Variants in ERC2 observed in about 807,000 individuals in gnomAD.
ERC2 encodes the protein ELKS/RAB6-interacting/CAST family member 2.
Under a neutral mutation model 114.8 loss-of-function variants are expected in ERC2, and 42 were observed. The ratio of observed to expected loss-of-function variants is 0.37; its 90% confidence interval spans 0.29 to 0.47. The LOEUF is 0.47. Among genes scored for constraint, ERC2 ranks in the 20% least tolerant of loss-of-function variants. The pLI, the probability that ERC2 is intolerant of heterozygous loss-of-function variation, is 0.99. For missense variants in ERC2, 939 were observed against 1,150.7 expected (o/e 0.82, Z 2.66); for synonymous variants, 454 against 425.5 (o/e 1.07, Z -0.82).
chr3:56,007,697 C>T (rs553133212), intron 9 of ERC2, among the ~76,000 whole-genome samples: 17 of 152,026 alleles, frequency 1.1e-4, no homozygotes, highest in African/African-American at 1.4e-4. Context: ...GAGACAAATA[C>T]GAAAGAAAAT....
Position 56,135,269 on chromosome 3 carries a change from A to T in ERC2, c.1473+4240T>A, listed in dbSNP as rs137911983. On this transcript the variant is annotated intron_variant, in intron 6 of 17. Coordinates refer to ENST00000288221, the MANE Select transcript of ERC2 (RefSeq NM_015576.3). ...CACCTGGCCAGAAATAAAAATCTTA[A>T]TTTGGAGATAGAACAAAAGAGATGG... Among the ~76,000 whole-genome samples, 786 of 152,230 alleles carry T rather than the reference A, an allele frequency of 5.2e-3. 8 individuals carry two copies. The highest frequency in any genetic ancestry group is 0.011 in the Admixed American group (175 of 15,292).
chr3:55,844,457 G>A (rs1416195847), intron 14 of ERC2, among the ~76,000 whole-genome samples: 2 of 152,220 alleles, frequency 1.3e-5, no homozygotes, highest in African/African-American at 4.8e-5. Context: ...AATGTTTGCT[G>A]TATGATTTCA....
chr3:56,099,441 C>T (rs2078232808), intron 6 of ERC2, among the ~76,000 whole-genome samples: 2 of 151,940 alleles, frequency 1.3e-5, no homozygotes. Context: ...AAACACCGTC[C>T]CTGCATTTCA....
At chr3:56,032,963 AAGAAAGAAAGAAAGAG>A (rs2074510499) in intron 7 of ERC2, among the ~76,000 whole-genome samples, 3 of 106,120 alleles carry the variant, frequency 2.8e-5, no homozygotes, top group Non-Finnish European at 4.1e-5. Flanking sequence ...AAGAAACAGA[AAGAAAGAAAGAAAGAG>A]AAAGAAAGAA....
At chr3:56,078,369 G>C (rs2077073623) in intron 7 of ERC2, among the ~76,000 whole-genome samples, 1 of 152,154 alleles carries the variant, frequency 6.6e-6, no homozygotes, top group African/African-American at 2.4e-5. Context: ...TTTTTAAAAT[G>C]TGACAGACTC....
chr3:56,405,350 C>T (rs2060675243), intron 2 of ERC2, among the ~76,000 whole-genome samples: 1 of 151,924 alleles, frequency 6.6e-6, no homozygotes, highest in Admixed American at 6.6e-5. Context: ...AGGCTTGAGC[C>T]TGGGAGGCAG....
At chr3:56,200,218 A>G (rs2048333379) in intron 3 of ERC2, among the ~76,000 whole-genome samples, 1 of 151,980 alleles carries the variant, frequency 6.6e-6, no homozygotes. Context: ...CTCTTCCCCC[A>G]AGAAACCCTC....
At chr3:55,624,956 T>C (rs1365428216) in intron 17 of ERC2, among the ~76,000 whole-genome samples, 1 of 152,202 alleles carries the variant, frequency 6.6e-6, no homozygotes, top group Non-Finnish European at 1.5e-5. Context: ...AAGATGTCAG[T>C]GTAAATGGAG....
At chr3:56,267,882 A>G (rs963003321) in intron 3 of ERC2, among the ~76,000 whole-genome samples, 1 of 152,222 alleles carries the variant, frequency 6.6e-6, no homozygotes, top group Non-Finnish European at 1.5e-5. Context: ...CATGAGGACT[A>G]TAGTTAATAA....
intron 14 of ERC2, among the ~76,000 whole-genome samples, chr3:55,765,758 A>G (rs1210922912): frequency 6.6e-6 from 1 of 152,212 alleles, no homozygotes; most frequent in Admixed American, 6.5e-5. Flanking sequence ...GACCAGACTA[A>G]AAACCTGAGG....
rs750287414 is a variant in ERC2, at chr3:56,296,192, G to A, written c.901C>T (p.Arg301Ter). ...IETQKQTLNA[R>*]DESIKKLLEM... Reference sequence around the variant, plus strand: ...AGAAGTTTTTTAATTGACTCATCTCGGGCATTGAGGGTTTGTTTCTGCGTT... The same window carrying A: ...AGAAGTTTTTTAATTGACTCATCTCAGGCATTGAGGGTTTGTTTCTGCGTT... The change falls in exon 3 of 18, where the codon CGA becomes TGA. Residue 301 changes from arginine to a stop codon, truncating the protein, a stop_gained. Transcript: ENST00000288221. LOFTEE classifies it high-confidence loss of function. 3 of 1,613,930 alleles carry A rather than the reference G, an allele frequency of 1.9e-6. No homozygotes were observed. The Admixed American group carries it at 5.0e-5, about 27-fold the overall frequency.
chr3:55,559,902 G>A (rs1226129658), intron 17 of ERC2, among the ~76,000 whole-genome samples: 2 of 152,222 alleles, frequency 1.3e-5, no homozygotes, highest in African/African-American at 4.8e-5. Context: ...ACAGCGTACG[G>A]ATGGCCATGC....
chr3:55,887,131 T>C (rs1027430366), intron 14 of ERC2, among the ~76,000 whole-genome samples: 1 of 152,232 alleles, frequency 6.6e-6, no homozygotes, highest in Admixed American at 6.5e-5. Flanking sequence ...GGTTTTGTCA[T>C]GGCCAGATGG....
intron 7 of ERC2, among the ~76,000 whole-genome samples, chr3:56,036,662 C>A (rs746648466): frequency 1.8e-4 from 27 of 152,138 alleles, no homozygotes; most frequent in Non-Finnish European, 7.4e-5. Context: ...CTGGGAGCTG[C>A]ACAGAACAAG....
chr3:56,010,097 A>G (rs774145220), intron 9 of ERC2, among the ~76,000 whole-genome samples: 3 of 152,172 alleles, frequency 2.0e-5, no homozygotes, highest in Non-Finnish European at 4.4e-5. Flanking sequence ...AAGTAGAGCT[A>G]TTGTTACTAT....
intron 3 of ERC2, among the ~76,000 whole-genome samples, chr3:56,223,821 G>T (rs1575930540): frequency 6.6e-6 from 1 of 152,086 alleles, no homozygotes; most frequent in East Asian, 1.9e-4. Flanking sequence ...TCTCCACTAA[G>T]TACATTTTTA....
intron 14 of ERC2, among the ~76,000 whole-genome samples, chr3:55,822,980 A>G (rs926943747): frequency 1.3e-5 from 2 of 152,070 alleles, no homozygotes; most frequent in Non-Finnish European, 2.9e-5. Flanking sequence ...CTTTTTCTTC[A>G]TTCGCCAATC....
At chr3:56,082,269 T>C (rs1371191845) in intron 6 of ERC2, among the ~76,000 whole-genome samples, 1 of 152,136 alleles carries the variant, frequency 6.6e-6, no homozygotes, top group Non-Finnish European at 1.5e-5. Flanking sequence ...TGAATGGGAC[T>C]AATTGCTACA....
chr3:55,603,310 T>G (rs539349759), intron 17 of ERC2, among the ~76,000 whole-genome samples: 1 of 152,314 alleles, frequency 6.6e-6, no homozygotes, highest in African/African-American at 2.4e-5. Context: ...ACCATTGCCC[T>G]TGTTCTTGGA....
Sources: gnomAD v4.1 joint callset for allele counts (sites outside exome capture counted in the v4.1 genomes callset) on GRCh38, gnomAD v4.1.1 for gene constraint, MANE v1.5 for transcripts, NCBI Gene and HGNC (gene_info 2026-07-23, HGNC 2026-07-21) for gene names.